Variants in NRXN3 observed in about 807,000 individuals in gnomAD.
NRXN3 encodes neurexin III.
A neutral mutation model predicts 137.6 loss-of-function variants in NRXN3; 32 were observed. That is an observed-to-expected ratio of 0.23 (90% CI 0.18 to 0.31). The LOEUF (loss-of-function observed/expected upper bound fraction) is 0.31, where lower values mean the gene tolerates loss of function less well. Ranked by LOEUF, NRXN3 falls within the 10% of genes least tolerant of loss-of-function variation. The pLI is 1.00. For synonymous variants in NRXN3, 798 were observed against 784.5 expected (o/e 1.02, Z -0.29); for missense variants, 1,574 against 2,062.5 (o/e 0.76, Z 4.59).
In NRXN3 at chr14:78,243,837, C is replaced by T. The variant is rs1856764206; in HGVS notation, c.709+35C>T. ...TCTCCCTCTCTTGCTAGAGACCCAC[C>T]CACGGGATGGCTGAGGCTGGGGCTC... On this transcript the variant is annotated intron_variant, in intron 2 of 20. Coordinates refer to ENST00000335750, the MANE Select transcript of NRXN3 (RefSeq NM_001330195.2). This position sits in a 1 kb window ranked among gnomAD's most constrained non-coding sequence, Gnocchi z 4.2. 1 of 1,488,054 alleles carries T rather than the reference C, an allele frequency of 6.7e-7. No individual in the cohort carries two copies. The highest frequency in any genetic ancestry group is 1.4e-5 in the African/African-American group (1 of 71,984). 92.2% of individuals were successfully genotyped at this position (1,488,054 alleles called of 1,614,324 possible). A position where few individuals can be genotyped will look rare whatever the true frequency, so the allele number is the denominator to read the frequency against.
intron 2 of NRXN3, among the ~76,000 whole-genome samples, chr14:78,259,131 C>G (rs78140075): frequency 3.2e-5 from 3 of 93,132 alleles, no homozygotes; most frequent in African/African-American, 1.2e-4. Flanking sequence ...GACTCCATCT[C>G]AAAAAAAAAA....
intron 15 of NRXN3, among the ~76,000 whole-genome samples, chr14:79,217,289 C>T (rs1003569156): frequency 2.6e-5 from 4 of 152,124 alleles, no homozygotes; most frequent in African/African-American, 9.7e-5. Flanking sequence ...AGGAACAGCA[C>T]ATCACATGAC....
intron 19 of NRXN3, among the ~76,000 whole-genome samples, chr14:79,746,394 T>C (rs4903876): frequency 6.6e-6 from 1 of 152,130 alleles, no homozygotes; most frequent in African/African-American, 2.4e-5. Flanking sequence ...TTTGACCATG[T>C]TATTCCTGGC....
At chr14:78,952,136 G>A (rs2099388322) in intron 10 of NRXN3, among the ~76,000 whole-genome samples, 3 of 152,112 alleles carry the variant, frequency 2.0e-5, no homozygotes. Flanking sequence ...AGGAGGTATG[G>A]CAGCTATTCC....
intron 15 of NRXN3, among the ~76,000 whole-genome samples, chr14:79,278,540 C>T (rs773929172): frequency 3.3e-4 from 50 of 152,330 alleles, no homozygotes; most frequent in Non-Finnish European, 6.0e-4. Flanking sequence ...CCACCTGGGG[C>T]AGCCCTTCTG....
intron 15 of NRXN3, among the ~76,000 whole-genome samples, chr14:79,251,347 C>A (rs780081582): frequency 6.6e-6 from 1 of 152,096 alleles, no homozygotes; most frequent in Non-Finnish European, 1.5e-5. Flanking sequence ...CTGAATGATG[C>A]TGTGGAGATA....
intron 15 of NRXN3, among the ~76,000 whole-genome samples, chr14:79,386,210 A>G (rs903021513): frequency 6.6e-6 from 1 of 152,176 alleles, no homozygotes; most frequent in East Asian, 1.9e-4. Context: ...AAGCCCCATC[A>G]TCTCAGCCCA....
In NRXN3 at chr14:78,243,829, A is replaced by G; in HGVS notation, c.709+27A>G. On this transcript the variant is annotated intron_variant, in intron 2 of 20. Transcript: ENST00000335750. This position sits in a 1 kb window ranked among gnomAD's most constrained non-coding sequence, Gnocchi z 4.2. ...TAAGACCCTCTCCCTCTCTTGCTAG[A>G]GACCCACCCACGGGATGGCTGAGGC... The G allele has an allele frequency of 6.6e-7, 1 of 1,518,860 alleles. No individual in the cohort carries two copies. Among genetic ancestry groups the G allele is most frequent in the East Asian group, 2.3e-5 (1 of 44,292 alleles). 94.1% of individuals were successfully genotyped at this position (1,518,860 alleles called of 1,614,324 possible). A position where few individuals can be genotyped will look rare whatever the true frequency, so the allele number is the denominator to read the frequency against.
chr14:79,163,195 G>T (rs2060965418), intron 15 of NRXN3, among the ~76,000 whole-genome samples: 1 of 151,826 alleles, frequency 6.6e-6, no homozygotes, highest in Non-Finnish European at 1.5e-5. Flanking sequence ...ACTGCCATTG[G>T]AGCAATTATA....
intron 4 of NRXN3, among the ~76,000 whole-genome samples, chr14:78,313,336 C>G (rs2078194248): frequency 6.6e-6 from 1 of 152,196 alleles, no homozygotes; most frequent in Non-Finnish European, 1.5e-5. Context: ...TGAGCAGCTG[C>G]ATTCCCATTT....
chr14:79,784,578 C>A (rs1331987034), intron 19 of NRXN3, among the ~76,000 whole-genome samples: 1 of 104,652 alleles, frequency 9.6e-6, no homozygotes, highest in African/African-American at 3.6e-5. Context: ...AAAATCTCTT[C>A]TTTTGTTGCA....
intron 16 of NRXN3, among the ~76,000 whole-genome samples, chr14:79,629,688 T>G (rs1603263732): frequency 6.6e-6 from 1 of 152,060 alleles, no homozygotes; most frequent in African/African-American, 2.4e-5. Context: ...GTGCAGGAAC[T>G]GAAGGAAGAT....
chr14:78,452,384 CTAT>C (rs766437255), intron 4 of NRXN3, among the ~76,000 whole-genome samples: 24 of 152,142 alleles, frequency 1.6e-4, no homozygotes, highest in Non-Finnish European at 2.6e-4. Context: ...GAATGTCTGG[CTAT>C]TATTATCACC....
chr14:78,375,842 G>T (rs1055341531), intron 4 of NRXN3, among the ~76,000 whole-genome samples: 6 of 152,202 alleles, frequency 3.9e-5, no homozygotes, highest in African/African-American at 1.4e-4. Flanking sequence ...CCAAGGCTGT[G>T]AGGTGGGGAT....
chr14:78,440,187 G>A (rs2094197917), intron 4 of NRXN3, among the ~76,000 whole-genome samples: 1 of 152,196 alleles, frequency 6.6e-6, no homozygotes, highest in African/African-American at 2.4e-5. Flanking sequence ...TTGCTAATGA[G>A]ACAGTTAATC....
At chr14:79,428,506 A>G (rs2095692856) in intron 15 of NRXN3, among the ~76,000 whole-genome samples, 1 of 152,156 alleles carries the variant, frequency 6.6e-6, no homozygotes. Context: ...AATTCAGTGG[A>G]AATATTCTTT....
chr14:79,237,044 C>T (rs1488619384), intron 15 of NRXN3, among the ~76,000 whole-genome samples: 2 of 151,080 alleles, frequency 1.3e-5, no homozygotes, highest in Non-Finnish European at 2.9e-5. Context: ...ATATAAACCA[C>T]TGCACACTAA....
chr14:78,702,156 GA>G (rs2098287343), intron 6 of NRXN3, among the ~76,000 whole-genome samples: 1 of 152,130 alleles, frequency 6.6e-6, no homozygotes, highest in African/African-American at 2.4e-5. Context: ...ATCCTGTGAT[GA>G]AAAATGATGT....
chr14:78,484,591 C>T (rs1312858641), intron 4 of NRXN3, among the ~76,000 whole-genome samples: 1 of 152,116 alleles, frequency 6.6e-6, no homozygotes, highest in Non-Finnish European at 1.5e-5. Context: ...CTGTAAATCA[C>T]TGCATATGAG....
Sources: allele counts gnomAD v4.1 joint callset (sites outside exome capture counted in the v4.1 genomes callset), GRCh38; gene constraint gnomAD v4.1.1; non-coding constraint Gnocchi (gnomAD v3.1); transcripts MANE v1.5; gene names NCBI Gene and HGNC (gene_info 2026-07-23, HGNC 2026-07-21).